The following RPS6KA2 variants were observed in gnomAD, a reference collection of about 807,000 sequenced individuals.
RPS6KA2 encodes ribosomal protein S6 kinase alpha-2.
Under a neutral mutation model 91.8 loss-of-function variants are expected in RPS6KA2, and 42 were observed. That is an observed-to-expected ratio of 0.46 (90% CI 0.36 to 0.59). The LOEUF (loss-of-function observed/expected upper bound fraction) is 0.59. Among genes scored for constraint, RPS6KA2 ranks in the 20% least tolerant of loss-of-function variants. The pLI is 0.00. For synonymous variants in RPS6KA2, 414 were observed against 393.6 expected (o/e 1.05, Z -0.61); for missense variants, 798 against 978.5 (o/e 0.82, Z 2.46).
intron 2 of RPS6KA2, among the ~76,000 whole-genome samples, chr6:166,801,979 C>T (rs557160952): frequency 2.0e-5 from 3 of 151,458 alleles, no homozygotes; most frequent in Non-Finnish European, 3.0e-5. Context: ...CTCCCTAGGC[C>T]GGGCGTGGTG....
chr6:166,498,705 C>G lies in RPS6KA2; in HGVS notation c.605-55G>C, dbSNP rs1781889598. 5 of 1,597,712 alleles carry G rather than the reference C, an allele frequency of 3.1e-6. No individual in the cohort carries two copies. The Admixed American group carries it at 8.6e-5, about 28-fold the overall frequency. ...TCAGTCTCTGGGTGTGTTCGGGGGT[C>G]CACACTCAGGCGGGCATCAGCGTCC... On this transcript the variant is annotated intron_variant, in intron 7 of 20. Coordinates refer to ENST00000265678, the MANE Select transcript of RPS6KA2 (RefSeq NM_021135.6).
chr6:166,458,691 G>A (rs894546758), intron 12 of RPS6KA2, among the ~76,000 whole-genome samples: 1 of 152,210 alleles, frequency 6.6e-6, no homozygotes, highest in Non-Finnish European at 1.5e-5. Context: ...GAACACAGCT[G>A]TCTGCAAGTC....
intron 2 of RPS6KA2, among the ~76,000 whole-genome samples, chr6:166,748,705 T>C (rs1411096017): frequency 4.4e-4 from 12 of 27,174 alleles, no homozygotes; most frequent in East Asian, 1.6e-3. Flanking sequence ...GGCCCCCACC[T>C]CCTCAGGCCC....
At chr6:166,814,576 C>T (rs1037588039) in intron 2 of RPS6KA2, among the ~76,000 whole-genome samples, 24 of 152,164 alleles carry the variant, frequency 1.6e-4, no homozygotes, top group African/African-American at 4.1e-4. Flanking sequence ...GCCTGGGCTC[C>T]GCCACCTGTC....
chr6:166,751,615 G>A (rs1030827529), intron 2 of RPS6KA2, among the ~76,000 whole-genome samples: 3 of 152,322 alleles, frequency 2.0e-5, no homozygotes, highest in East Asian at 3.9e-4. Context: ...TGGAAAGAGG[G>A]GTCTAAGTGT....
chr6:166,757,370 G>A (rs746550703), intron 2 of RPS6KA2, among the ~76,000 whole-genome samples: 5 of 152,126 alleles, frequency 3.3e-5, no homozygotes, highest in Non-Finnish European at 5.9e-5. Flanking sequence ...TCTTGGCACC[G>A]CTCCGAGACC....
chr6:166,411,578 T>G lies in RPS6KA2; in HGVS notation c.*1184A>C, dbSNP rs1319048091. 6.6e-6 allele frequency: 1 copy of G among 152,476 alleles called. No individual in the cohort carries two copies. Among genetic ancestry groups the G allele is most frequent in the Non-Finnish European group, 1.5e-5 (1 of 68,104 alleles). 9.4% of individuals were successfully genotyped at this position (152,476 alleles called of 1,614,324 possible). A position where few individuals can be genotyped will look rare whatever the true frequency, so the allele number is the denominator to read the frequency against. On this transcript the variant is annotated 3_prime_UTR_variant, in exon 21 of 21. Coordinates refer to ENST00000265678, the MANE Select transcript of RPS6KA2 (RefSeq NM_021135.6). The surrounding 1 kb of genome is among the most constrained non-coding windows in gnomAD (Gnocchi z 4.5). The stretch of plus-strand genomic sequence containing the variant: ...CTAAATGCCCCACACCCGCCCTGTG[T>G]GCACACCCAGGGGAATACGGATCAG...
At chr6:166,659,033 T>A (rs1243353081) in intron 2 of RPS6KA2, among the ~76,000 whole-genome samples, 1 of 152,038 alleles carries the variant, frequency 6.6e-6, no homozygotes, top group Admixed American at 6.6e-5. Context: ...GTGGTCCCAG[T>A]GACCCTTGGG....
At position 166,413,990 on chromosome 6, in the gene RPS6KA2, G is replaced by C. The variant is rs1480583484; in HGVS notation, c.1939-59C>G. 5 of 1,540,734 alleles carry C rather than the reference G, an allele frequency of 3.2e-6. No individual in the cohort carries two copies. The Admixed American group carries it at 5.1e-5, about 16-fold the overall frequency. On this transcript the variant is annotated intron_variant, in intron 19 of 20. Coordinates refer to ENST00000265678, the MANE Select transcript of RPS6KA2 (RefSeq NM_021135.6). ...GTTGGATCATTTGTGCTGGGTCAGA[G>C]AGCCTCCCCAGCAGAACTCCTCTCC...
intron 2 of RPS6KA2, among the ~76,000 whole-genome samples, chr6:166,795,158 T>G (rs1779192601): frequency 6.6e-6 from 1 of 152,296 alleles, no homozygotes; most frequent in Non-Finnish European, 1.5e-5. Flanking sequence ...ACACATTATG[T>G]GGTATTAATA....
intron 2 of RPS6KA2, among the ~76,000 whole-genome samples, chr6:166,654,890 T>A (rs905065801): frequency 2.0e-5 from 3 of 152,184 alleles, no homozygotes; most frequent in East Asian, 3.8e-4. Context: ...CCATCGTAAT[T>A]AATAAGTAGG....
At chr6:166,558,694 G>A (rs978126589) in intron 1 of RPS6KA2, among the ~76,000 whole-genome samples, 94 of 152,126 alleles carry the variant, frequency 6.2e-4, no homozygotes, top group African/African-American at 2.1e-3. Flanking sequence ...TGCTGTTAAC[G>A]GAAAAGGTTT....
In RPS6KA2 at chr6:166,418,139, T is replaced by C. The variant is rs772583763; in HGVS notation, c.1938+86A>G. On this transcript the variant is annotated intron_variant, in intron 19 of 20. Coordinates refer to ENST00000265678, the MANE Select transcript of RPS6KA2 (RefSeq NM_021135.6). This position sits in a 1 kb window ranked among gnomAD's most constrained non-coding sequence, Gnocchi z 4.9. ...GGATAAAATACCTATACTACTTACATAAAACCTATCCCCTGGCTTCCTCAG... is the reference window on the plus strand; with the variant it reads ...GGATAAAATACCTATACTACTTACACAAAACCTATCCCCTGGCTTCCTCAG... 4.0e-5 allele frequency: 36 copies of C among 907,322 alleles called. No homozygotes were observed. Among genetic ancestry groups the C allele is most frequent in the Non-Finnish European group, 5.6e-5 (32 of 569,134 alleles). 56.2% of individuals were successfully genotyped at this position (907,322 alleles called of 1,614,324 possible).
At chr6:166,716,035 C>CAAAAAAAAAAA (rs141709524) in intron 2 of RPS6KA2, among the ~76,000 whole-genome samples, 1 of 89,770 alleles carries the variant, frequency 1.1e-5, no homozygotes, top group African/African-American at 5.3e-5. Context: ...GAGACTCCAT[C>CAAAAAAAAAAA]AAAAAAAAAA....
At chr6:166,517,096 A>C (rs1782671968) in intron 3 of RPS6KA2, among the ~76,000 whole-genome samples, 1 of 152,166 alleles carries the variant, frequency 6.6e-6, no homozygotes, top group Admixed American at 6.5e-5. Flanking sequence ...GGGACTACCT[A>C]GTTACAGTAA....
chr6:166,465,741 T>C (rs1376886697), intron 11 of RPS6KA2, among the ~76,000 whole-genome samples: 1 of 152,148 alleles, frequency 6.6e-6, no homozygotes, highest in Non-Finnish European at 1.5e-5. Flanking sequence ...ACCTCTTCCA[T>C]CGGTGGATGA....
intron 2 of RPS6KA2, among the ~76,000 whole-genome samples, chr6:166,673,924 A>G (rs1055875977): frequency 6.6e-6 from 1 of 152,248 alleles, no homozygotes; most frequent in African/African-American, 2.4e-5. Flanking sequence ...CTAAAGAGTT[A>G]CCATCAGATA....
At chr6:166,694,887 C>G (rs1403620612) in intron 2 of RPS6KA2, among the ~76,000 whole-genome samples, 1 of 152,188 alleles carries the variant, frequency 6.6e-6, no homozygotes, top group African/African-American at 2.4e-5. Context: ...TACCATTCCT[C>G]CCAGCTGGGT....
intron 17 of RPS6KA2, among the ~76,000 whole-genome samples, chr6:166,420,511 G>GTGAC (rs1439430138): frequency 6.6e-6 from 1 of 152,154 alleles, no homozygotes; most frequent in East Asian, 1.9e-4. Flanking sequence ...TTGTCTTTCT[G>GTGAC]TGACTGGCCC....
Sources: gnomAD v4.1 joint callset for allele counts (sites outside exome capture counted in the v4.1 genomes callset) on GRCh38, gnomAD v4.1.1 for gene constraint, Gnocchi (gnomAD v3.1) non-coding constraint, MANE v1.5 for transcripts, NCBI Gene and HGNC (gene_info 2026-07-23, HGNC 2026-07-21) for gene names.